Variants in UGT2B28 observed in about 807,000 individuals in gnomAD.
UGT2B28 encodes the protein UDP glucuronosyltransferase family 2 member B28, also known as UDP-glucuronosyltransferase 2B28.
A neutral mutation model predicts 43.6 loss-of-function variants in UGT2B28; 45 were observed. The ratio of observed to expected loss-of-function variants is 1.03; its 90% CI spans 0.81 to 1.32. The LOEUF is 1.32. UGT2B28 is among the 40% of genes most tolerant of loss of function. The pLI, the probability that UGT2B28 is intolerant of heterozygous loss-of-function variation, is 0.00. For missense variants in UGT2B28, 649 were observed against 625.5 expected (o/e 1.04, Z -0.40); for synonymous variants, 204 against 208.1 (o/e 0.98, Z 0.17).
intron 3 of UGT2B28, among the ~76,000 whole-genome samples, chr4:69,288,794 T>A (rs1216875054): frequency 7.1e-6 from 1 of 139,980 alleles, no homozygotes; most frequent in Non-Finnish European, 1.5e-5. Context: ...CATCTATGTA[T>A]CCACGTGTTC....
At chr4:69,286,495 A>T (rs1209329710) in intron 2 of UGT2B28, among the ~76,000 whole-genome samples, 3 of 140,340 alleles carry the variant, frequency 2.1e-5, no homozygotes, top group East Asian at 2.0e-4. Flanking sequence ...TAATAGCTCC[A>T]TTTCTTTTCT....
chr4:69,294,402 C>A, intron 5 of UGT2B28, 128 bp from the exon 6 acceptor site: 2 of 1,039,338 alleles, frequency 1.9e-6, no homozygotes, highest in East Asian at 3.1e-5. Flanking sequence ...TTAAAATACA[C>A]AAATTCTCTG....
chr4:69,286,681 T>G, intron 2 of UGT2B28, 71 bp from the exon 3 acceptor site: 1 of 1,486,318 alleles, frequency 6.7e-7, no homozygotes, highest in South Asian at 1.3e-5. Flanking sequence ...CTCTTTAATA[T>G]TTGGTACCAA....
intron 5 of UGT2B28, among the ~76,000 whole-genome samples, chr4:69,291,483 A>G (rs1723953874): frequency 7.1e-6 from 1 of 140,956 alleles, no homozygotes; most frequent in African/African-American, 2.8e-5. Context: ...GTACAGTCTC[A>G]GGTGCTGTGT....
chr4:69,282,852 A>G (rs1237418395), intron 2 of UGT2B28, among the ~76,000 whole-genome samples, 190 bp downstream of exon 2: 1 of 140,516 alleles, frequency 7.1e-6, no homozygotes, highest in Non-Finnish European at 1.5e-5. Context: ...TATGCATATT[A>G]CAAATAGAGA....
At position 69,286,945 on chromosome 4, in the gene UGT2B28, C is replaced by T. The variant is rs1227954379; in HGVS notation, c.1002+62C>T. The T allele has an allele frequency of 9.8e-6, 15 of 1,531,456 alleles. 2 individuals carry two copies. Among genetic ancestry groups the T allele is most frequent in the Admixed American group, 5.8e-5 (3 of 51,816 alleles). The allele number at this position is 1,531,456 out of a possible 1,614,324, so 94.9% of individuals were successfully genotyped here. A position where few individuals can be genotyped will look rare whatever the true frequency, so the allele number is the denominator to read the frequency against. Reference sequence around the variant, plus strand: ...GAAAGAGGCTGTTAAAGTTTGAGATCTACACAGAAAGAATATTAAGGCTAG... The same window carrying T: ...GAAAGAGGCTGTTAAAGTTTGAGATTTACACAGAAAGAATATTAAGGCTAG... On this transcript the variant is annotated intron_variant, in intron 3 of 5. Coordinates refer to ENST00000335568, the MANE Select transcript of UGT2B28 (RefSeq NM_053039.2).
rs185811630 is a variant in UGT2B28 at position 69,293,165 on chromosome 4, A to C, written c.1311-1365A>C. Among the ~76,000 whole-genome samples, 50 of 140,768 alleles carry C rather than the reference A, an allele frequency of 3.6e-4. 5 individuals are homozygous for C. In the East Asian group the frequency reaches 0.01, roughly 29 times the overall value. 92.3% of individuals were successfully genotyped at this position (140,768 alleles called of 152,430 possible). A position where few individuals can be genotyped will look rare whatever the true frequency, so the allele number is the denominator to read the frequency against. On this transcript the variant is annotated intron_variant, in intron 5 of 5. Transcript: ENST00000335568. ...TACATTAAAGAAAAAGACACTTTTGAGTACATATTATATAATTCAATTACA... is the reference window on the plus strand; with the variant it reads ...TACATTAAAGAAAAAGACACTTTTGCGTACATATTATATAATTCAATTACA...
At chr4:69,282,446 C>G in intron 1 of UGT2B28, 68 bp from the exon 2 acceptor site, 1 of 1,466,294 alleles carries the variant, frequency 6.8e-7, no homozygotes, top group Non-Finnish European at 9.0e-7. Flanking sequence ...AATTCTAACC[C>G]CTTTCAGAAA....
In UGT2B28 at chr4:69,293,634, A is replaced by G. The variant is rs190066495; in HGVS notation, c.1311-896A>G. 4.4e-3 allele frequency among the ~76,000 whole-genome samples: 620 copies of G among 139,696 alleles called. 135 individuals carry two copies. Among genetic ancestry groups the G allele is most frequent in the African/African-American group, 0.016 (587 of 35,744 alleles). The allele number at this position is 139,696 out of a possible 152,430, so 91.6% of individuals were successfully genotyped here. ...CAGCAAGAAAGAGTACTCCAAGAGC[A>G]GGAGAGAAGGAACAAAATGTGTAAA... On this transcript the variant is annotated intron_variant, in intron 5 of 5. Coordinates refer to ENST00000335568, the MANE Select transcript of UGT2B28 (RefSeq NM_053039.2).
chr4:69,286,224 A>G (rs1385553719), intron 2 of UGT2B28, among the ~76,000 whole-genome samples: 2 of 141,738 alleles, frequency 1.4e-5, no homozygotes, highest in African/African-American at 5.5e-5. Context: ...GTAGAGGAAC[A>G]TAAATGTAGA....
At chr4:69,285,423 C>T (rs1247742113) in intron 2 of UGT2B28, among the ~76,000 whole-genome samples, 1 of 139,104 alleles carries the variant, frequency 7.2e-6, no homozygotes, top group Non-Finnish European at 1.5e-5. Context: ...TAGATTCCTT[C>T]AACACTGGGT....
rs769801096 is a variant in UGT2B28, at chr4:69,280,712, C to T, written c.212C>T (p.Thr71Ile). Residue 71 changes from threonine (T) to isoleucine (I), a missense_variant, in exon 1 of 6, where the codon ACT becomes ATT. By Grantham distance (89) the Thr-to-Ile change is moderately conservative. Transcript: ENST00000335568. Reference sequence around the variant, plus strand: ...CTTTTTGATCCCAATGACGCATTCACTCTTAAACTCGAAGTTTATCCTACA... The same window carrying T: ...CTTTTTGATCCCAATGACGCATTCATTCTTAAACTCGAAGTTTATCCTACA... ...SILFDPNDAF[T>I]LKLEVYPTSL... 1.9e-6 allele frequency: 3 copies of T among 1,560,716 alleles called. No homozygotes were observed. Among genetic ancestry groups the T allele is most frequent in the Non-Finnish European group, 2.6e-6 (3 of 1,155,984 alleles).
rs1244466674 is a variant in UGT2B28, at chr4:69,284,195, G to C, written c.870+1533G>C. Among the ~76,000 whole-genome samples, 10 of 140,024 alleles carry C rather than the reference G, an allele frequency of 7.1e-5. 3 individuals are homozygous for C. The highest frequency in any genetic ancestry group is 3.6e-3 in the Middle Eastern group (1 of 278). The allele number at this position is 140,024 out of a possible 152,430, so 91.9% of individuals were successfully genotyped here. ...GAGAAGCACAGAGATAGTGAACAAT[G>C]CATGTATAATAAAGAACAAATAATT... On this transcript the variant is annotated intron_variant, in intron 2 of 5. Coordinates refer to ENST00000335568, the MANE Select transcript of UGT2B28 (RefSeq NM_053039.2).
In UGT2B28 at chr4:69,294,760, T is replaced by C; in HGVS notation, c.1541T>C (p.Phe514Ser). Reference protein sequence around the residue: ...VIFVVTKFCLFCFWKFARKGK... With the variant: ...VIFVVTKFCLSCFWKFARKGK... The stretch of plus-strand genomic sequence containing the variant: ...TTTGTCGTCACAAAGTTTTGTCTGT[T>C]TTGTTTCTGGAAGTTTGCTAGAAAA... Residue 514 changes from phenylalanine (F) to serine (S), a missense_variant, in exon 6 of 6, where the codon TTT (phenylalanine) becomes TCT (serine). By Grantham distance (155) the Phe-to-Ser change is radical. Coordinates refer to ENST00000335568, the MANE Select transcript of UGT2B28 (RefSeq NM_053039.2). 6.4e-7 allele frequency: 1 copy of C among 1,559,118 alleles called. No homozygotes were observed. Among genetic ancestry groups the C allele is most frequent in the Non-Finnish European group, 8.7e-7 (1 of 1,154,978 alleles).
intron 2 of UGT2B28, 131 bp from the exon 3 acceptor site, chr4:69,286,621 G>C (rs1723782512): frequency 7.7e-7 from 1 of 1,300,922 alleles, no homozygotes. Context: ...GATTGAGTCA[G>C]TTAAAAAATA....
rs1438674716 is a variant in UGT2B28, at chr4:69,281,975, A to G, written c.722-539A>G. ...ATTTACAAATATATTTACTTAAATG[A>G]TAATATTATTAAGATCTTAGCTCAA... On this transcript the variant is annotated intron_variant, in intron 1 of 5. Transcript: ENST00000335568. Among the ~76,000 whole-genome samples the G allele has an allele frequency of 4.3e-5, 6 of 140,608 alleles. 2 individuals are homozygous for G. Among genetic ancestry groups the G allele is most frequent in the African/African-American group, 1.7e-4 (6 of 36,094 alleles). The allele number at this position is 140,608 out of a possible 152,430, so 92.2% of individuals were successfully genotyped here.
chr4:69,291,892 T>G (rs1226736875), intron 5 of UGT2B28, among the ~76,000 whole-genome samples: 3 of 140,500 alleles, frequency 2.1e-5, no homozygotes, highest in Non-Finnish European at 4.6e-5. Flanking sequence ...ATTGTCTGTC[T>G]TTTTGTTACA....
chr4:69,291,764 G>T (rs1286417871), intron 5 of UGT2B28, among the ~76,000 whole-genome samples: 3 of 140,392 alleles, frequency 2.1e-5, no homozygotes. Flanking sequence ...TGCCTCATGT[G>T]AGAACTGTAT....
chr4:69,289,289 A>G (rs1577995867), intron 3 of UGT2B28, among the ~76,000 whole-genome samples: 1 of 140,088 alleles, frequency 7.1e-6, no homozygotes, highest in East Asian at 2.0e-4. Flanking sequence ...CATTCTGACT[A>G]GTGTGAGATG....
Sources: gnomAD v4.1 joint callset for allele counts (sites outside exome capture counted in the v4.1 genomes callset) on GRCh38, gnomAD v4.1.1 for gene constraint, MANE v1.5 for transcripts, NCBI Gene and HGNC (gene_info 2026-07-23, HGNC 2026-07-21) for gene names.